The following APLF variants were observed in gnomAD, a reference collection of about 807,000 sequenced individuals.
APLF encodes the protein aprataxin and PNK-like factor.
In APLF, 61 loss-of-function variants were observed where a neutral mutation model predicts 55.6. That is an observed-to-expected ratio of 1.10 (90% confidence interval 0.89 to 1.36). The LOEUF is 1.36. Among genes scored for constraint, APLF ranks in the 40% most tolerant of loss-of-function variants. The pLI is 0.00. For synonymous variants in APLF, 207 were observed against 214.8 expected, an observed-to-expected ratio of 0.96 and a Z score of 0.32; for missense variants, 611 against 602.5, an observed-to-expected ratio of 1.01 and a Z score of -0.15.
intron 2 of APLF, among the ~76,000 whole-genome samples, chr2:68,499,848 AAAAT>A (rs1011878439): frequency 1.3e-5 from 2 of 152,184 alleles, no homozygotes; most frequent in Non-Finnish European, 2.9e-5. Flanking sequence ...AAAAAAAGAA[AAAAT>A]AAATAAATAC....
At chr2:68,490,152 G>T (rs753516603) in intron 1 of APLF, 38 bp from the exon 2 acceptor site, 14 of 1,470,992 alleles carry the variant, frequency 9.5e-6, no homozygotes, top group Non-Finnish European at 1.3e-5. Context: ...TTTTAAGGAG[G>T]TGGCTATTCT....
Position 68,513,066 on chromosome 2 carries a change from A to G in APLF, c.342-14A>G, listed in dbSNP as rs765608724. 1.9e-6 allele frequency: 3 copies of G among 1,588,796 alleles called. No homozygotes were observed. Among genetic ancestry groups the G allele is most frequent in the African/African-American group, 2.7e-5 (2 of 73,566 alleles). ...AATTTAAAATTAAAGACCAGTTTCT[A>G]TTTTATCTTATAGAAACAGTCAAGT... On this transcript the variant is annotated splice_polypyrimidine_tract_variant and intron_variant, in intron 3 of 9. Transcript: ENST00000303795.
At chr2:68,576,440 A>G (rs924882855) in intron 9 of APLF, among the ~76,000 whole-genome samples, 3 of 152,174 alleles carry the variant, frequency 2.0e-5, no homozygotes, top group Admixed American at 6.5e-5. Flanking sequence ...GCTTCCTACT[A>G]TAATGATAAT....
chr2:68,486,308 T>C (rs1469320139), intron 1 of APLF, among the ~76,000 whole-genome samples: 1 of 152,172 alleles, frequency 6.6e-6, no homozygotes, highest in Non-Finnish European at 1.5e-5. Flanking sequence ...GATTTATTTT[T>C]TTCTTCCAAG....
chr2:68,496,810 C>G (rs1400082638), intron 2 of APLF, among the ~76,000 whole-genome samples: 1 of 152,204 alleles, frequency 6.6e-6, no homozygotes, highest in Non-Finnish European at 1.5e-5. Flanking sequence ...CTGAGACCTC[C>G]TTAGCCTGGA....
chr2:68,513,886 AT>A (rs574082183), intron 5 of APLF, among the ~76,000 whole-genome samples: 1,700 of 151,550 alleles, frequency 0.011, 35 homozygotes, highest in African/African-American at 0.039. Context: ...TACCACCCTA[AT>A]TTTTTTTCAT....
intron 1 of APLF, among the ~76,000 whole-genome samples, chr2:68,482,541 A>G (rs1360898520): frequency 1.3e-5 from 2 of 152,164 alleles, no homozygotes; most frequent in South Asian, 2.1e-4. Flanking sequence ...CTGCTAGGCT[A>G]CTTCTCAGGC....
At chr2:68,566,925 T>A (rs949617246) in intron 8 of APLF, among the ~76,000 whole-genome samples, 1 of 152,112 alleles carries the variant, frequency 6.6e-6, no homozygotes. Flanking sequence ...TTCTTTAGAT[T>A]CAAGAAGAGC....
intron 5 of APLF, among the ~76,000 whole-genome samples, chr2:68,519,857 G>T (rs563830151): frequency 1.3e-5 from 2 of 151,646 alleles, no homozygotes; most frequent in African/African-American, 2.4e-5. Flanking sequence ...AGATCAAATG[G>T]TAGATCTACT....
chr2:68,518,645 A>C (rs1301711161), intron 5 of APLF, among the ~76,000 whole-genome samples: 6 of 124,772 alleles, frequency 4.8e-5, no homozygotes, highest in Admixed American at 8.9e-5. Flanking sequence ...TATATCATTA[A>C]TATATCATGA....
chr2:68,504,436 T>C (rs1399068625), intron 3 of APLF, among the ~76,000 whole-genome samples: 1 of 151,904 alleles, frequency 6.6e-6, no homozygotes, highest in African/African-American at 2.4e-5. Context: ...GATAATACTC[T>C]ATTACCAAGT....
At chr2:68,493,816 T>C (rs893118645) in intron 2 of APLF, among the ~76,000 whole-genome samples, 1 of 151,892 alleles carries the variant, frequency 6.6e-6, no homozygotes, top group Non-Finnish European at 1.5e-5. Context: ...ATACAAAAAT[T>C]AGCCAGGCGT....
chr2:68,503,486 T>G (rs1453203869), intron 3 of APLF, among the ~76,000 whole-genome samples: 1 of 152,104 alleles, frequency 6.6e-6, no homozygotes, highest in Non-Finnish European at 1.5e-5. Flanking sequence ...CTTATAGAAG[T>G]AGATGGACAG....
At chr2:68,476,476 C>CAAA (rs768968249) in intron 1 of APLF, among the ~76,000 whole-genome samples, 9 of 76,478 alleles carry the variant, frequency 1.2e-4, no homozygotes, top group Non-Finnish European at 1.9e-4. Flanking sequence ...GAGTGAGACT[C>CAAA]AAAAAAAAAA....
intron 1 of APLF, among the ~76,000 whole-genome samples, chr2:68,478,791 A>G (rs1675862894): frequency 6.6e-6 from 1 of 152,164 alleles, no homozygotes; most frequent in Non-Finnish European, 1.5e-5. Context: ...TAAGGCAGGA[A>G]AGGATAGCCA....
intron 5 of APLF, among the ~76,000 whole-genome samples, chr2:68,517,679 A>T (rs1558538834): frequency 1.4e-5 from 2 of 145,362 alleles, no homozygotes; most frequent in South Asian, 4.5e-4. Flanking sequence ...ATATATCACT[A>T]ATATGTTATT....
intron 6 of APLF, among the ~76,000 whole-genome samples, chr2:68,533,278 G>C (rs1670307737): frequency 1.3e-5 from 2 of 152,078 alleles, no homozygotes; most frequent in Non-Finnish European, 2.9e-5. Flanking sequence ...AAATTTTCAA[G>C]TTTGTGATAT....
rs143232460 is a variant in APLF, at chr2:68,490,261, G to C, written c.168G>C (p.Pro56=). 15 of 1,609,424 alleles carry C rather than the reference G, an allele frequency of 9.3e-6. No individual in the cohort carries two copies. The highest frequency in any genetic ancestry group is 1.3e-5 in the Non-Finnish European group (15 of 1,178,286). The stretch of plus-strand genomic sequence containing the variant: ...CAGGTGGTCAGCTGCGAATCAAACC[G>C]GTAAATATGTTATTAATGATTCATT... ...EVAGGQLRIK[P]IHTNPCFYQS... Residue 56 remains proline (P), a splice_region_variant and synonymous_variant, in exon 2 of 10, where the codon CCG becomes CCC. Transcript: ENST00000303795.
intron 1 of APLF, among the ~76,000 whole-genome samples, chr2:68,481,939 T>C (rs1442546097): frequency 1.3e-5 from 2 of 152,082 alleles, no homozygotes; most frequent in African/African-American, 4.8e-5. Flanking sequence ...GATTTCTGTT[T>C]GGTTATTTTT....
Sources: gnomAD v4.1 joint callset for allele counts (sites outside exome capture counted in the v4.1 genomes callset) on GRCh38, gnomAD v4.1.1 for gene constraint, MANE v1.5 for transcripts, NCBI Gene and HGNC (gene_info 2026-07-23, HGNC 2026-07-21) for gene names.